ATAD1: variants seen among roughly 807,000 people sequenced by gnomAD.
ATAD1 encodes the protein outer mitochondrial transmembrane helix translocase.
In ATAD1, 18 loss-of-function variants were observed where a neutral mutation model predicts 42.7. That is an observed-to-expected ratio of 0.42 (90% CI 0.29 to 0.63). The LOEUF (loss-of-function observed/expected upper bound fraction) is 0.63. Among genes scored for constraint, ATAD1 ranks in the 20% least tolerant of loss-of-function variants. ATAD1 has a pLI of 0.19. For synonymous variants in ATAD1, 132 were observed against 143.1 expected, an observed-to-expected ratio of 0.92 and a Z score of 0.55; for missense variants, 294 against 440.4, an observed-to-expected ratio of 0.67 and a Z score of 2.98.
chr10:87,802,602 C>T (rs891381674), intron 2 of ATAD1, among the ~76,000 whole-genome samples: 2 of 150,870 alleles, frequency 1.3e-5, no homozygotes, highest in African/African-American at 4.9e-5. Context: ...GAGATCCCGC[C>T]ACCGCACTCC....
At chr10:87,800,970 A>C (rs1196810802) in intron 2 of ATAD1, among the ~76,000 whole-genome samples, 1 of 152,216 alleles carries the variant, frequency 6.6e-6, no homozygotes, top group Non-Finnish European at 1.5e-5. Flanking sequence ...ACACTAATGC[A>C]AAACCAACAT....
In ATAD1 at chr10:87,769,673, G is replaced by A. The variant is rs187503497; in HGVS notation, c.780+1279C>T. ...ATAAATATTAGTCATACTAGGCTGG[G>A]TGCAGTGACTCATGCCTGTAATCCC... is the stretch of plus-strand genomic sequence containing the variant. On this transcript the variant is annotated intron_variant, in intron 7 of 9. Transcript: ENST00000680024. 1.1e-4 allele frequency among the ~76,000 whole-genome samples: 16 copies of A among 152,292 alleles called. No individual in the cohort carries two copies. The East Asian group carries it at 1.5e-3, about 15-fold the overall frequency.
chr10:87,757,549 G>T (rs1589455002), intron 8 of ATAD1, among the ~76,000 whole-genome samples: 1 of 152,066 alleles, frequency 6.6e-6, no homozygotes, highest in East Asian at 1.9e-4. Flanking sequence ...TAAGCACTTT[G>T]CATGTATTAT....
At chr10:87,835,464 T>C (rs11202581) in intron 1 of ATAD1, among the ~76,000 whole-genome samples, 41,075 of 152,070 alleles carry the variant, frequency 0.27, 6,394 homozygotes, top group Non-Finnish European at 0.35. Context: ...CTGATAGTAA[T>C]ATAACTATTC....
At chr10:87,790,537 T>A in intron 3 of ATAD1, 107 bp from the exon 4 acceptor site, 1 of 1,164,758 alleles carries the variant, frequency 8.6e-7, no homozygotes, top group South Asian at 2.0e-5. Flanking sequence ...TATACATAAA[T>A]AAGTTAAAAT....
intron 8 of ATAD1, among the ~76,000 whole-genome samples, chr10:87,758,107 G>C (rs1854308407): frequency 6.6e-6 from 1 of 152,106 alleles, no homozygotes; most frequent in Non-Finnish European, 1.5e-5. Context: ...ATAATCATTT[G>C]GGGTACAAAA....
intron 5 of ATAD1, among the ~76,000 whole-genome samples, chr10:87,783,379 A>C (rs1564754588): frequency 6.6e-6 from 1 of 151,948 alleles, no homozygotes; most frequent in Non-Finnish European, 1.5e-5. Context: ...CTTAAAAAAA[A>C]ACAAAAACAA....
chr10:87,766,036 A>C (rs560380753), intron 8 of ATAD1, among the ~76,000 whole-genome samples: 1 of 151,768 alleles, frequency 6.6e-6, no homozygotes, highest in South Asian at 2.1e-4. Flanking sequence ...AGATCATGTC[A>C]CAAAAAAGAA....
intron 5 of ATAD1, among the ~76,000 whole-genome samples, chr10:87,780,874 G>A (rs1403900558): frequency 2.0e-5 from 3 of 152,136 alleles, no homozygotes; most frequent in East Asian, 1.9e-4. Flanking sequence ...AATTTTGCTC[G>A]TCACTGTACA....
intron 5 of ATAD1, among the ~76,000 whole-genome samples, chr10:87,781,471 T>C (rs1012968160): frequency 1.3e-5 from 2 of 152,218 alleles, no homozygotes; most frequent in African/African-American, 4.8e-5. Flanking sequence ...AGTTGTACCA[T>C]TATTTTGTGT....
upstream of ATAD1, chr10:87,818,481 A>G (rs1857540293): frequency 6.2e-6 from 1 of 162,180 alleles, no homozygotes; most frequent in Non-Finnish European, 1.3e-5. Flanking sequence ...CGCTTATCAC[A>G]AAAAGTCCCT....
At chr10:87,818,376 G>T, upstream of ATAD1, 1 of 480,772 alleles carries the variant, frequency 2.1e-6, no homozygotes, top group Non-Finnish European at 2.7e-6. Flanking sequence ...GTCTGCTTAA[G>T]CTACCTGCTA....
At chr10:87,784,891 GCCCTCTCC>G (rs1297074290) in intron 4 of ATAD1, among the ~76,000 whole-genome samples, 1 of 152,132 alleles carries the variant, frequency 6.6e-6, no homozygotes, top group African/African-American at 2.4e-5. Flanking sequence ...AGCATCCTGT[GCCCTCTCC>G]CTTCATGAAA....
chr10:87,756,842 T>A lies in ATAD1; in HGVS notation c.912A>T (p.Arg304=). The A allele has an allele frequency of 3.7e-6, 6 of 1,613,080 alleles. No individual in the cohort carries two copies. The highest frequency in any genetic ancestry group is 5.1e-6 in the Non-Finnish European group (6 of 1,179,488). Residue 304 remains arginine (R), a synonymous_variant, in exon 9 of 10, where the codon CGA becomes CGT. Transcript: ENST00000680024. ...CTCTAACACAGAGGAGGGCAGCATCTCGACACATCTCTTTTAGGTCACTTC... is the reference window on the plus strand; with the variant it reads ...CTCTAACACAGAGGAGGGCAGCATCACGACACATCTCTTTTAGGTCACTTC... ...FSGSDLKEMC[R]DAALLCVREY...
chr10:87,814,818 C>A, intron 1 of ATAD1: 1 of 320,022 alleles, frequency 3.1e-6, no homozygotes, highest in Non-Finnish European at 5.6e-6. Context: ...CTCTTGCAAA[C>A]TAGAAGTAGA....
At position 87,762,446 on chromosome 10, in the gene ATAD1, T is replaced by C. The variant is rs575370236; in HGVS notation, c.831+5227A>G. 7.2e-5 allele frequency among the ~76,000 whole-genome samples: 11 copies of C among 152,094 alleles called. No homozygotes were observed. The South Asian group carries it at 2.1e-3, about 29-fold the overall frequency. On this transcript the variant is annotated intron_variant, in intron 8 of 9. Coordinates refer to ENST00000680024, the MANE Select transcript of ATAD1 (RefSeq NM_001321967.2). The stretch of plus-strand genomic sequence containing the variant: ...TTAAAGGTTTACCAATTGTGTTTTA[T>C]CTAAACAATACTACAACTACACTTT...
At chr10:87,773,556 A>G (rs1484939561) in intron 6 of ATAD1, among the ~76,000 whole-genome samples, 1 of 152,224 alleles carries the variant, frequency 6.6e-6, no homozygotes. Context: ...AAAATACAAT[A>G]AAGGTTAAAA....
chr10:87,800,629 T>A (rs1856648986), intron 2 of ATAD1, among the ~76,000 whole-genome samples: 1 of 152,172 alleles, frequency 6.6e-6, no homozygotes, highest in Non-Finnish European at 1.5e-5. Flanking sequence ...AATTTTTAAT[T>A]AAGGTTATTA....
At position 87,756,776 on chromosome 10, in the gene ATAD1, C is replaced by G. The variant is rs548531224; in HGVS notation, c.965+13G>C. On this transcript the variant is annotated intron_variant, in intron 9 of 9. Transcript: ENST00000680024. ...TTTTGACAAGTGTTAAAAATCAAGT[C>G]AAAATAACATACCTTTCTTCTGATG... 1.9e-6 allele frequency: 3 copies of G among 1,571,966 alleles called. No individual in the cohort carries two copies. Among genetic ancestry groups the G allele is most frequent in the Non-Finnish European group, 2.6e-6 (3 of 1,163,400 alleles).
Sources: gnomAD v4.1 joint callset for allele counts (sites outside exome capture counted in the v4.1 genomes callset) on GRCh38, gnomAD v4.1.1 for gene constraint, MANE v1.5 for transcripts, NCBI Gene and HGNC (gene_info 2026-07-23, HGNC 2026-07-21) for gene names.